CDC14A: variants seen among roughly 807,000 people sequenced by gnomAD.
The protein encoded by CDC14A is dual specificity protein phosphatase CDC14A.
A neutral mutation model predicts 74.4 loss-of-function variants in CDC14A; 53 were observed. The observed-to-expected ratio is 0.71, with a 90% CI of 0.57 to 0.89. CDC14A has a LOEUF of 0.89. Among genes scored for constraint, CDC14A ranks in the 40% least tolerant of loss-of-function variants. CDC14A has a pLI of 0.00. For missense variants in CDC14A, 646 were observed against 713.7 expected (o/e 0.91, Z 1.08); for synonymous variants, 247 against 258.4 (o/e 0.96, Z 0.43).
upstream of CDC14A, among the ~76,000 whole-genome samples, chr1:100,351,271 C>T (rs1302345987): frequency 5.9e-5 from 9 of 151,996 alleles, no homozygotes; most frequent in Admixed American, 3.9e-4. Context: ...TTCCCTCAGT[C>T]AGCTCTGCAC....
intron 13 of CDC14A, among the ~76,000 whole-genome samples, chr1:100,497,855 C>T (rs1648097381): frequency 1.3e-5 from 2 of 152,160 alleles, no homozygotes; most frequent in African/African-American, 4.8e-5. Flanking sequence ...GCAATATTAG[C>T]TACTTCTTAG....
At chr1:100,377,704 A>C in intron 3 of CDC14A, 83 bp downstream of exon 3, 1 of 957,040 alleles carries the variant, frequency 1.0e-6, no homozygotes, top group Non-Finnish European at 1.6e-6. Flanking sequence ...TGTGCACAAA[A>C]CATTTAGTCA....
At position 100,496,007 on chromosome 1, in the gene CDC14A, A is replaced by G. The variant is rs1357816156; in HGVS notation, c.1256A>G (p.Asp419Gly). ...TCTGTCTTTGATTTCCGCAGGTCAG[A>G]TGATACAAAAGGACATCCAAGAGCA... ...RTSPSCAFRS[D>G]DTKGHPRAVS... Residue 419 changes from aspartate (D) to glycine (G), a missense_variant, in exon 13 of 16, where the codon GAT becomes GGT. Asp to Gly is a moderately conservative substitution (Grantham distance 94). Transcript: ENST00000336454. 1.2e-6 allele frequency: 2 copies of G among 1,613,800 alleles called. No individual in the cohort carries two copies. Among genetic ancestry groups the G allele is most frequent in the African/African-American group, 1.3e-5 (1 of 74,918 alleles).
chr1:100,452,513 G>T (rs949324777), intron 7 of CDC14A, among the ~76,000 whole-genome samples: 1 of 151,882 alleles, frequency 6.6e-6, no homozygotes, highest in African/African-American at 2.4e-5. Flanking sequence ...TCCATCTCCA[G>T]ATAAAAAAAA....
chr1:100,444,198 A>T (rs1431356182), intron 7 of CDC14A, among the ~76,000 whole-genome samples: 1 of 152,152 alleles, frequency 6.6e-6, no homozygotes, highest in Non-Finnish European at 1.5e-5. Context: ...TATTCGGATC[A>T]CTTCTACTGG....
chr1:100,403,025 G>C (rs1222302738), intron 4 of CDC14A, among the ~76,000 whole-genome samples: 1 of 152,132 alleles, frequency 6.6e-6, no homozygotes, highest in East Asian at 1.9e-4. Flanking sequence ...GTTTACTTTG[G>C]TGATGTCCAT....
intron 13 of CDC14A, 80 bp downstream of exon 13, chr1:100,496,129 G>A (rs1329883911): frequency 3.4e-6 from 4 of 1,163,372 alleles, no homozygotes; most frequent in Admixed American, 1.7e-5. Context: ...CCTCAAACAC[G>A]AAAATCAACT....
chr1:100,437,499 T>G (rs2101117698), intron 5 of CDC14A, among the ~76,000 whole-genome samples: 1 of 152,360 alleles, frequency 6.6e-6, no homozygotes, highest in East Asian at 1.9e-4. Flanking sequence ...TCTCTCAATC[T>G]GGAGGATATG....
chr1:100,416,177 A>G (rs1354206573), intron 4 of CDC14A, among the ~76,000 whole-genome samples: 2 of 152,154 alleles, frequency 1.3e-5, no homozygotes, highest in African/African-American at 2.4e-5. Context: ...TTCTGTTTCT[A>G]TGCTGGACTT....
Position 100,372,262 on chromosome 1 carries a change from T to C in CDC14A, c.141-5284T>C, listed in dbSNP as rs1020315448. 6.6e-5 allele frequency among the ~76,000 whole-genome samples: 10 copies of C among 152,292 alleles called. No individual in the cohort carries two copies. The South Asian group carries it at 2.1e-3, about 32-fold the overall frequency. Reference sequence around the variant, plus strand: ...TGATCAGGGTGGTGGTTGCTGAAGGTTGGGGTGGCTGTGGCAATTTCTTAA... The same window carrying C: ...TGATCAGGGTGGTGGTTGCTGAAGGCTGGGGTGGCTGTGGCAATTTCTTAA... On this transcript the variant is annotated intron_variant, in intron 2 of 15. Transcript: ENST00000336454.
chr1:100,393,261 G>T, intron 4 of CDC14A: 1 of 1,421,500 alleles, frequency 7.0e-7, no homozygotes. Flanking sequence ...TTCTTTCTGT[G>T]CATGTTCAAT....
At chr1:100,443,727 G>A (rs1255467478) in intron 7 of CDC14A, among the ~76,000 whole-genome samples, 2 of 151,780 alleles carry the variant, frequency 1.3e-5, no homozygotes, top group South Asian at 2.1e-4. Context: ...TTTTCCCCAT[G>A]GCATCATTAC....
chr1:100,439,841 A>G, intron 5 of CDC14A, 91 bp from the exon 6 acceptor site: 2 of 858,212 alleles, frequency 2.3e-6, no homozygotes, highest in Non-Finnish European at 3.9e-6. Context: ...GAAGCCAAAC[A>G]AGCACATCTC....
chr1:100,460,756 T>G (rs899555398), intron 8 of CDC14A, among the ~76,000 whole-genome samples: 1 of 152,372 alleles, frequency 6.6e-6, no homozygotes, highest in Non-Finnish European at 1.5e-5. Context: ...CTGTTTTACC[T>G]GTTTGCTCAA....
At chr1:100,442,602 G>C (rs1352835751) in intron 6 of CDC14A, among the ~76,000 whole-genome samples, 2 of 151,594 alleles carry the variant, frequency 1.3e-5, no homozygotes, top group African/African-American at 4.8e-5. Context: ...TCATAGTTAG[G>C]TCTAGTTCCC....
chr1:100,503,173 T>G (rs1338244157), intron 15 of CDC14A, among the ~76,000 whole-genome samples: 1 of 152,218 alleles, frequency 6.6e-6, no homozygotes, highest in Non-Finnish European at 1.5e-5. Context: ...TAGGAGATTA[T>G]GAGTTATTTT....
intron 5 of CDC14A, among the ~76,000 whole-genome samples, chr1:100,435,600 G>C (rs1571185567): frequency 6.6e-6 from 1 of 152,136 alleles, no homozygotes; most frequent in East Asian, 1.9e-4. Context: ...AGGCCGAGGT[G>C]GGCGGATCGC....
intron 5 of CDC14A, among the ~76,000 whole-genome samples, chr1:100,429,102 G>T (rs1431458167): frequency 6.6e-6 from 1 of 151,994 alleles, no homozygotes; most frequent in African/African-American, 2.4e-5. Context: ...TACTCGGGAG[G>T]CTGAGGCAGG....
In CDC14A at chr1:100,499,250, C is replaced by T; in HGVS notation, c.1743C>T (p.Ser581=). ...CTTCTTCTTCAGCGAGATTCCTGAG[C>T]CGTTCTATCCCTGTAAGTGCGCAGA... ...GLSSSSARFL[S]RSIPSLQSEY... is the part of the protein sequence containing the mutation. Residue 581 remains serine (S), a synonymous_variant, in exon 15 of 16, where the codon AGC becomes AGT. Transcript: ENST00000336454. The T allele has an allele frequency of 6.2e-7, 1 of 1,614,206 alleles. No homozygotes were observed. The highest frequency in any genetic ancestry group is 8.5e-7 in the Non-Finnish European group (1 of 1,180,042).
Sources: allele counts gnomAD v4.1 joint callset (sites outside exome capture counted in the v4.1 genomes callset), GRCh38; gene constraint gnomAD v4.1.1; transcripts MANE v1.5; gene names NCBI Gene and HGNC (gene_info 2026-07-23, HGNC 2026-07-21).